The following SMOC2 variants were observed in gnomAD, a reference collection of about 807,000 sequenced individuals.
SMOC2 encodes the protein SPARC-related modular calcium-binding protein 2.
Under a neutral mutation model 61.4 loss-of-function variants are expected in SMOC2, and 39 were observed. The ratio of observed to expected loss-of-function variants is 0.64; its 90% CI spans 0.49 to 0.83. SMOC2 has a LOEUF of 0.83. Among genes scored for constraint, SMOC2 ranks in the 40% least tolerant of loss-of-function variants. The probability of loss-of-function intolerance (pLI) is 0.00; values close to 1 mark genes in which losing one functional copy is unlikely to be tolerated. For missense variants in SMOC2, 556 were observed against 592.9 expected, an observed-to-expected ratio of 0.94 and a Z score of 0.65; for synonymous variants, 247 against 239.9, an observed-to-expected ratio of 1.03 and a Z score of -0.27.
chr6:168,598,074 T>C (rs1734368891), intron 7 of SMOC2, among the ~76,000 whole-genome samples: 1 of 152,266 alleles, frequency 6.6e-6, no homozygotes, highest in South Asian at 2.1e-4. Context: ...CAATGCCTGG[T>C]GCACAGGCTG....
At chr6:168,476,466 CTGTGTGTGTGTGTGTATG>C (rs1469842501) in intron 1 of SMOC2, among the ~76,000 whole-genome samples, 2 of 139,778 alleles carry the variant, frequency 1.4e-5, no homozygotes, top group African/African-American at 6.0e-5. Context: ...ATCTTTTATC[CTGTGTGTGTGTGTGTATG>C]TGTGTGTGTG....
At chr6:168,599,320 G>GT (rs960724760) in intron 8 of SMOC2, among the ~76,000 whole-genome samples, 1 of 80,570 alleles carries the variant, frequency 1.2e-5, no homozygotes, top group African/African-American at 5.5e-5. Flanking sequence ...CCCCCACACT[G>GT]TTTCACACAC....
intron 1 of SMOC2, among the ~76,000 whole-genome samples, chr6:168,505,535 C>T (rs1053174654): frequency 3.9e-5 from 6 of 151,976 alleles, no homozygotes; most frequent in Admixed American, 2.6e-4. Flanking sequence ...ATGAAATGTC[C>T]GTCTCTCAGA....
chr6:168,664,106 A>G lies in SMOC2; in HGVS notation c.1318A>G (p.Arg440Gly). 1 of 1,602,922 alleles carries G rather than the reference A, an allele frequency of 6.2e-7. No homozygotes were observed. Among genetic ancestry groups the G allele is most frequent in the Non-Finnish European group, 8.5e-7 (1 of 1,175,484 alleles). ...AGGTCATGCTGAAAGTACGTCTAAT[A>G]GACAGGTAAGTATGTTTATATTTTA... ...PRGHAESTSN[R>G]QPRKQG The change falls in exon 12 of 13, where the codon AGA becomes GGA. Residue 440 changes from arginine to glycine, a missense_variant. Coordinates refer to ENST00000356284, the MANE Select transcript of SMOC2 (RefSeq NM_001166412.2).
Position 168,523,079 on chromosome 6 carries a change from A to ATTCTTTTTTTTTTTTT in SMOC2, c.257-3265_257-3264insCTTTTTTTTTTTTTTT, listed in dbSNP as rs551183247. On this transcript the variant is annotated intron_variant, in intron 2 of 12. Transcript: ENST00000356284. ...TTATGTTATTTGTAGTTGTACAGTA[A>ATTCTTTTTTTTTTTTT]TTTTTTTTTTTTTTTTTTTTGAGAC... is the stretch of plus-strand genomic sequence containing the variant. Among the ~76,000 whole-genome samples the ATTCTTTTTTTTTTTTT allele has an allele frequency of 2.7e-3, 254 of 93,670 alleles. 70 individuals are homozygous for ATTCTTTTTTTTTTTTT. The highest frequency in any genetic ancestry group is 8.5e-3 in the East Asian group (21 of 2,460). 61.5% of individuals were successfully genotyped at this position (93,670 alleles called of 152,430 possible).
In SMOC2 at chr6:168,475,633, G is replaced by A. The variant is rs543863105; in HGVS notation, c.84+34179G>A. ...TGAGACAGGAGGGTGAGTCCAGAGCGGGGACAGAGGACGAGAACTGAGACC... is the reference window on the plus strand; with the variant it reads ...TGAGACAGGAGGGTGAGTCCAGAGCAGGGACAGAGGACGAGAACTGAGACC... On this transcript the variant is annotated intron_variant, in intron 1 of 12. Coordinates refer to ENST00000356284, the MANE Select transcript of SMOC2 (RefSeq NM_001166412.2). The surrounding 1 kb of genome is among the most constrained non-coding windows in gnomAD (Gnocchi z 4.6). Among the ~76,000 whole-genome samples, 137 of 152,260 alleles carry A rather than the reference G, an allele frequency of 9.0e-4. No individual in the cohort carries two copies. Among genetic ancestry groups the A allele is most frequent in the African/African-American group, 2.9e-3 (122 of 41,568 alleles).
chr6:168,608,310 A>C, intron 9 of SMOC2, 71 bp downstream of exon 9: 1 of 1,497,072 alleles, frequency 6.7e-7, no homozygotes, highest in African/African-American at 1.4e-5. Flanking sequence ...ATTTGGAATG[A>C]AAAAGACTTT....
chr6:168,616,488 T>C (rs1053532104), intron 9 of SMOC2, among the ~76,000 whole-genome samples: 15 of 152,106 alleles, frequency 9.9e-5, no homozygotes, highest in African/African-American at 1.7e-4. Context: ...CTAAAGAACA[T>C]CAACTCAGCC....
intron 1 of SMOC2, among the ~76,000 whole-genome samples, chr6:168,448,376 A>G (rs571330510): frequency 6.8e-6 from 1 of 146,638 alleles, no homozygotes; most frequent in African/African-American, 2.5e-5. Flanking sequence ...GGGGAGGAGG[A>G]TGGCAATGGG....
chr6:168,552,823 C>T (rs1286006994), intron 7 of SMOC2, among the ~76,000 whole-genome samples: 5 of 110,614 alleles, frequency 4.5e-5, no homozygotes, highest in African/African-American at 1.4e-4. Flanking sequence ...GCAAAGACCC[C>T]CCCACCCCCC....
At position 168,546,909 on chromosome 6, in the gene SMOC2, C is replaced by T. The variant is rs558669742; in HGVS notation, c.512-210C>T. Among the ~76,000 whole-genome samples the T allele has an allele frequency of 8.5e-5, 13 of 152,296 alleles. No individual in the cohort carries two copies. The East Asian group carries it at 2.3e-3, about 27-fold the overall frequency. On this transcript the variant is annotated intron_variant, in intron 5 of 12. Coordinates refer to ENST00000356284, the MANE Select transcript of SMOC2 (RefSeq NM_001166412.2). Reference sequence around the variant, plus strand: ...GTGAAGTTAGGTCAGTGTCTAGCCTCGAGCATTTTAAGTAGCGGCTCACTC... The same window carrying T: ...GTGAAGTTAGGTCAGTGTCTAGCCTTGAGCATTTTAAGTAGCGGCTCACTC...
At chr6:168,559,048 G>T (rs1375709025) in intron 7 of SMOC2, among the ~76,000 whole-genome samples, 1 of 152,244 alleles carries the variant, frequency 6.6e-6, no homozygotes, top group Non-Finnish European at 1.5e-5. Context: ...GTAGTGACAG[G>T]ATTAATAGGA....
intron 11 of SMOC2, among the ~76,000 whole-genome samples, chr6:168,659,652 G>C (rs75482163): frequency 1.6e-5 from 1 of 61,566 alleles, no homozygotes; most frequent in Non-Finnish European, 3.7e-5. Flanking sequence ...TTGGGTGAGG[G>C]TGGAGGTTGT....
intron 4 of SMOC2, among the ~76,000 whole-genome samples, chr6:168,532,369 T>C (rs1783627019): frequency 6.6e-6 from 1 of 152,028 alleles, no homozygotes. Flanking sequence ...AAAGACAGAG[T>C]TGGTTCTTAT....
intron 1 of SMOC2, among the ~76,000 whole-genome samples, chr6:168,497,072 T>G (rs1333745345): frequency 6.6e-6 from 1 of 151,956 alleles, no homozygotes; most frequent in Admixed American, 6.5e-5. Context: ...AGCCTGTGAG[T>G]GTAAAGCTAT....
chr6:168,624,078 A>C (rs1786321369), intron 9 of SMOC2, among the ~76,000 whole-genome samples: 1 of 152,228 alleles, frequency 6.6e-6, no homozygotes, highest in African/African-American at 2.4e-5. Flanking sequence ...TCTTAGGACC[A>C]AATGGAGACA....
chr6:168,599,835 C>A (rs1785490293), intron 8 of SMOC2, among the ~76,000 whole-genome samples: 1 of 144,286 alleles, frequency 6.9e-6, no homozygotes, highest in Non-Finnish European at 1.5e-5. Flanking sequence ...ACACGCCCCC[C>A]ACACCCACAG....
At chr6:168,572,939 C>T (rs112166584) in intron 7 of SMOC2, among the ~76,000 whole-genome samples, 119 of 46,470 alleles carry the variant, frequency 2.6e-3, no homozygotes, top group African/African-American at 4.5e-3. Context: ...CCCCTGGTGC[C>T]GGGACCAGGG....
intron 1 of SMOC2, among the ~76,000 whole-genome samples, chr6:168,471,745 CTATG>C (rs1204389527): frequency 6.6e-6 from 1 of 152,070 alleles, no homozygotes; most frequent in Non-Finnish European, 1.5e-5. Flanking sequence ...TTTTATTTGT[CTATG>C]TATGTATGTA....
Sources: gnomAD v4.1 joint callset for allele counts (sites outside exome capture counted in the v4.1 genomes callset) on GRCh38, gnomAD v4.1.1 for gene constraint, Gnocchi (gnomAD v3.1) non-coding constraint, MANE v1.5 for transcripts, NCBI Gene and HGNC (gene_info 2026-07-23, HGNC 2026-07-21) for gene names.